The following BMP2K variants were observed in gnomAD, a reference collection of about 807,000 sequenced individuals.
BMP2K encodes BMP-2-inducible protein kinase.
A neutral mutation model predicts 116.0 loss-of-function variants in BMP2K; 74 were observed. The observed-to-expected ratio is 0.64, with a 90% CI of 0.53 to 0.77. The LOEUF is 0.77. BMP2K is among the 30% of genes least tolerant of loss of function. The pLI is 0.00. For missense variants in BMP2K, 1,365 were observed against 1,403.6 expected (o/e 0.97, Z 0.44); for synonymous variants, 486 against 502.5 (o/e 0.97, Z 0.44).
chr4:78,812,504 A>C (rs1560510944), intron 1 of BMP2K, among the ~76,000 whole-genome samples: 1 of 152,142 alleles, frequency 6.6e-6, no homozygotes, highest in Non-Finnish European at 1.5e-5. Flanking sequence ...TGTGCTGTTG[A>C]TATTCTGCCT....
chr4:78,812,941 G>A (rs1211320767), intron 1 of BMP2K, among the ~76,000 whole-genome samples: 1 of 152,074 alleles, frequency 6.6e-6, no homozygotes, highest in Non-Finnish European at 1.5e-5. Flanking sequence ...CTATTTGGGA[G>A]GCTGAGGTGG....
rs541986438 is a variant in BMP2K, at chr4:78,805,406, C to T, written c.179-20631C>T. ...GGCTGTTTTGGGTCCTTTGAATTTT[C>T]ATATGTATGTTTGGATGAGTTTGTT... On this transcript the variant is annotated intron_variant, in intron 1 of 15. Transcript: ENST00000502613. Among the ~76,000 whole-genome samples, 28 of 152,040 alleles carry T rather than the reference C, an allele frequency of 1.8e-4. 1 individual carries two copies. The South Asian group carries it at 5.4e-3, about 29-fold the overall frequency.
intron 10 of BMP2K, 36 bp from the exon 11 acceptor site, chr4:78,870,747 T>C (rs1402189157): frequency 6.4e-7 from 1 of 1,567,010 alleles, no homozygotes; most frequent in Non-Finnish European, 8.7e-7. Flanking sequence ...TTGAAATCAT[T>C]AGTATGTTAA....
At chr4:78,807,589 T>G (rs778874560) in intron 1 of BMP2K, among the ~76,000 whole-genome samples, 1 of 151,954 alleles carries the variant, frequency 6.6e-6, no homozygotes. Context: ...TATTACTAAC[T>G]CAATCTCTTT....
chr4:78,866,851 G>C (rs185771740), intron 10 of BMP2K, among the ~76,000 whole-genome samples: 1 of 152,020 alleles, frequency 6.6e-6, no homozygotes, highest in African/African-American at 2.4e-5. Context: ...GGGTTTCACC[G>C]TGTTGGCAGG....
intron 14 of BMP2K, among the ~76,000 whole-genome samples, chr4:78,886,552 C>G (rs1224550821): frequency 6.6e-6 from 1 of 151,704 alleles, no homozygotes; most frequent in Non-Finnish European, 1.5e-5. Context: ...TAGAATAGTG[C>G]CTGGCACATT....
At chr4:78,790,452 T>C (rs145835853) in intron 1 of BMP2K, among the ~76,000 whole-genome samples, 1 of 152,318 alleles carries the variant, frequency 6.6e-6, no homozygotes, top group African/African-American at 2.4e-5. Context: ...GTATATCACC[T>C]AAGAGCTAAA....
intron 9 of BMP2K, among the ~76,000 whole-genome samples, 182 bp from the exon 10 acceptor site, chr4:78,865,375 A>C (rs1335402874): frequency 6.6e-6 from 1 of 152,038 alleles, no homozygotes; most frequent in African/African-American, 2.4e-5. Context: ...TGTTAGTTTT[A>C]TTTATTTTTC....
intron 1 of BMP2K, among the ~76,000 whole-genome samples, chr4:78,793,303 G>C (rs902799381): frequency 6.6e-6 from 1 of 151,242 alleles, no homozygotes; most frequent in South Asian, 2.1e-4. Flanking sequence ...CTAGCTACTC[G>C]GGAGGCTGAG....
At chr4:78,809,274 C>G (rs1054345564) in intron 1 of BMP2K, among the ~76,000 whole-genome samples, 3 of 152,036 alleles carry the variant, frequency 2.0e-5, no homozygotes, top group South Asian at 2.1e-4. Flanking sequence ...TATAGCTACT[C>G]TAGCCCTTTC....
intron 7 of BMP2K, among the ~76,000 whole-genome samples, chr4:78,855,291 A>C (rs974804770): frequency 6.6e-6 from 1 of 152,146 alleles, no homozygotes; most frequent in African/African-American, 2.4e-5. Flanking sequence ...ATTGGAGTGG[A>C]TGTTTCTCAT....
intron 2 of BMP2K, among the ~76,000 whole-genome samples, chr4:78,829,999 C>T (rs560757846): frequency 4.6e-5 from 7 of 151,972 alleles, no homozygotes; most frequent in African/African-American, 1.2e-4. Flanking sequence ...CCCAGCCTCC[C>T]GAGGAGCTGG....
At chr4:78,875,315 A>G (rs1732579408) in intron 13 of BMP2K, among the ~76,000 whole-genome samples, 1 of 152,230 alleles carries the variant, frequency 6.6e-6, no homozygotes, top group Admixed American at 6.5e-5. Context: ...ATAAGAAACC[A>G]AGTAGTAGTT....
At chr4:78,859,913 T>G in intron 8 of BMP2K, 1 of 559,928 alleles carries the variant, frequency 1.8e-6, no homozygotes, top group South Asian at 2.0e-5. Context: ...AGGCAGAATA[T>G]TTTGCATTTT....
intron 1 of BMP2K, among the ~76,000 whole-genome samples, chr4:78,778,422 A>G (rs1476319198): frequency 6.6e-6 from 1 of 152,264 alleles, no homozygotes. Context: ...TGTCACTGTT[A>G]GAGTGTTCCA....
At chr4:78,893,113 C>T (rs1733528854) in intron 15 of BMP2K, among the ~76,000 whole-genome samples, 1 of 152,172 alleles carries the variant, frequency 6.6e-6, no homozygotes, top group Admixed American at 6.5e-5. Context: ...CAAACCATAC[C>T]ATTGCTTTAT....
At chr4:78,896,065 C>T (rs1001640684) in intron 15 of BMP2K, among the ~76,000 whole-genome samples, 4 of 152,174 alleles carry the variant, frequency 2.6e-5, no homozygotes, top group African/African-American at 9.7e-5. Context: ...AGTCCAAATA[C>T]AGTGTTTAAT....
chr4:78,910,213 C>G (rs554853694), intron 15 of BMP2K, among the ~76,000 whole-genome samples: 1 of 152,256 alleles, frequency 6.6e-6, no homozygotes, highest in African/African-American at 2.4e-5. Flanking sequence ...GAAAACTTTA[C>G]AAGAGTTGAA....
chr4:78,868,154 T>G (rs997091144), intron 10 of BMP2K, among the ~76,000 whole-genome samples: 2 of 151,894 alleles, frequency 1.3e-5, no homozygotes, highest in Non-Finnish European at 2.9e-5. Context: ...TTCCAGAAAC[T>G]GGGGGAAAAA....
Sources: gnomAD v4.1 joint callset for allele counts (sites outside exome capture counted in the v4.1 genomes callset) on GRCh38, gnomAD v4.1.1 for gene constraint, MANE v1.5 for transcripts, NCBI Gene and HGNC (gene_info 2026-07-23, HGNC 2026-07-21) for gene names.